Variants in SLC26A8 observed in about 807,000 individuals in gnomAD.
SLC26A8 encodes solute carrier family 26 member 8.
SLC26A8 carries 70 observed loss-of-function variants against 105.0 expected under a neutral mutation model. The observed-to-expected ratio is 0.67, with a 90% CI of 0.55 to 0.81. SLC26A8 has a LOEUF of 0.81. Among genes scored for constraint, SLC26A8 ranks in the 40% least tolerant of loss-of-function variants. SLC26A8 has a pLI of 0.00. For missense variants in SLC26A8, 998 were observed against 1,181.8 expected (o/e 0.84, Z 2.28); for synonymous variants, 415 against 438.3 (o/e 0.95, Z 0.66).
At chr6:35,989,295 T>G (rs972344656) in intron 7 of SLC26A8, among the ~76,000 whole-genome samples, 1 of 152,354 alleles carries the variant, frequency 6.6e-6, no homozygotes, top group South Asian at 2.1e-4. Flanking sequence ...CTTTTTGTCA[T>G]GACAGATTAG....
intron 8 of SLC26A8, among the ~76,000 whole-genome samples, chr6:35,978,519 TTTGA>T (rs1418682127): frequency 6.6e-6 from 1 of 152,198 alleles, no homozygotes; most frequent in Non-Finnish European, 1.5e-5. Context: ...TATTCATTCT[TTTGA>T]TTATCTTTAA....
intron 16 of SLC26A8, among the ~76,000 whole-genome samples, chr6:35,957,928 C>A (rs1173573441): frequency 6.6e-6 from 1 of 151,888 alleles, no homozygotes; most frequent in Non-Finnish European, 1.5e-5. Context: ...TCTTTTCTCT[C>A]CTCCATCTAC....
chr6:35,998,575 A>G (rs983143947), intron 4 of SLC26A8, among the ~76,000 whole-genome samples: 1 of 151,800 alleles, frequency 6.6e-6, no homozygotes, highest in Admixed American at 6.6e-5. Context: ...AAAAGAAAAG[A>G]AAAGAAAAGA....
At chr6:35,956,048 C>G (rs1441496008) in intron 16 of SLC26A8, among the ~76,000 whole-genome samples, 1 of 151,968 alleles carries the variant, frequency 6.6e-6, no homozygotes, top group Non-Finnish European at 1.5e-5. Context: ...TGAAACCAGC[C>G]TGGGCAACAT....
intron 16 of SLC26A8, among the ~76,000 whole-genome samples, chr6:35,956,916 T>C (rs1353747685): frequency 7.8e-6 from 1 of 127,924 alleles, no homozygotes; most frequent in Non-Finnish European, 1.6e-5. Context: ...CAAAACTCCA[T>C]CTCAAAAGAA....
intron 7 of SLC26A8, among the ~76,000 whole-genome samples, chr6:35,991,343 G>T (rs1341903852): frequency 6.7e-6 from 1 of 149,404 alleles, no homozygotes; most frequent in African/African-American, 2.5e-5. Context: ...GGCAGAGGTT[G>T]CAGTGAGCCA....
chr6:35,955,440 C>T lies in SLC26A8; in HGVS notation c.1944G>A (p.Glu648=), dbSNP rs752761195. 1 of 1,614,164 alleles carries T rather than the reference C, an allele frequency of 6.2e-7. No homozygotes were observed. Among genetic ancestry groups the T allele is most frequent in the South Asian group, 1.1e-5 (1 of 91,086 alleles). Residue 648 remains glutamate (E), a synonymous_variant, in exon 17 of 20, where the codon GAG becomes GAA. Transcript: ENST00000490799. ...SINLIHCSHF[E]SMNTSQTASE... ...ATGCAGTTTGGCTTGTGTTCATGCTCTCAAAATGTGAGCAGTGAATCAGGT... is the reference window on the plus strand; with the variant it reads ...ATGCAGTTTGGCTTGTGTTCATGCTTTCAAAATGTGAGCAGTGAATCAGGT...
intron 8 of SLC26A8, among the ~76,000 whole-genome samples, chr6:35,979,328 T>C (rs1030167976): frequency 4.6e-5 from 7 of 151,806 alleles, no homozygotes; most frequent in African/African-American, 9.7e-5. Context: ...ATACAAAAAT[T>C]AGCCGGGCGT....
intron 11 of SLC26A8, among the ~76,000 whole-genome samples, chr6:35,968,609 G>GTGTATATATATATATATA (rs1168496588): frequency 1.7e-5 from 1 of 60,072 alleles, no homozygotes; most frequent in Non-Finnish European, 3.3e-5. Flanking sequence ...GTGTGTGTGT[G>GTGTATATATATATATATA]TATATATATA....
chr6:35,972,945 C>T (rs998418130), intron 10 of SLC26A8, among the ~76,000 whole-genome samples: 1 of 152,182 alleles, frequency 6.6e-6, no homozygotes, highest in African/African-American at 2.4e-5. Context: ...TAAGACAGCT[C>T]TGAGGCTGAA....
chr6:35,985,692 CAAAA>C (rs58199602), intron 7 of SLC26A8, among the ~76,000 whole-genome samples: 17 of 46,920 alleles, frequency 3.6e-4, no homozygotes, highest in South Asian at 8.3e-4. Flanking sequence ...GACTCCGTCT[CAAAA>C]AAAAAAAAAA....
At chr6:35,974,760 G>A (rs1016565455) in intron 10 of SLC26A8, among the ~76,000 whole-genome samples, 2 of 152,114 alleles carry the variant, frequency 1.3e-5, no homozygotes, top group African/African-American at 2.4e-5. Context: ...TGTTTGAGAC[G>A]GAATCTCATT....
chr6:35,946,698 C>CT (rs1264507946), intron 19 of SLC26A8, among the ~76,000 whole-genome samples: 3 of 151,368 alleles, frequency 2.0e-5, no homozygotes, highest in East Asian at 1.9e-4. Flanking sequence ...TAATGTCCAT[C>CT]TTTTTTTTTG....
intron 1 of SLC26A8, among the ~76,000 whole-genome samples, chr6:36,021,570 G>A (rs1043479802): frequency 7.2e-5 from 11 of 152,150 alleles, no homozygotes; most frequent in Admixed American, 1.3e-4. Context: ...TGACCGTCAA[G>A]GAGTGGTGGG....
In SLC26A8 at chr6:35,997,719, T is replaced by A; in HGVS notation, c.627+19A>T. ...CTTTATTCAGTTCCTTTTCAGGGAT[T>A]TGAAGACTCAGATCCTACCTGAATA... is the stretch of plus-strand genomic sequence containing the variant. On this transcript the variant is annotated intron_variant, in intron 5 of 19. Transcript: ENST00000490799. 6.2e-7 allele frequency: 1 copy of A among 1,611,354 alleles called. No homozygotes were observed. Among genetic ancestry groups the A allele is most frequent in the Non-Finnish European group, 8.5e-7 (1 of 1,178,190 alleles).
At chr6:36,023,486 G>T (rs1762177773) in intron 1 of SLC26A8, among the ~76,000 whole-genome samples, 1 of 147,028 alleles carries the variant, frequency 6.8e-6, no homozygotes, top group Non-Finnish European at 1.5e-5. Flanking sequence ...GGCAGAGGTT[G>T]CAGTGAACCG....
In SLC26A8 at chr6:35,981,396, T is replaced by C. The variant is rs900297603; in HGVS notation, c.1025+725A>G. ...TGGCTCATGCCTGTAATCCCAGCAC[T>C]ATAGGAGGCCAAGGCAGGAGGAATG... On this transcript the variant is annotated intron_variant, in intron 8 of 19. Coordinates refer to ENST00000490799, the MANE Select transcript of SLC26A8 (RefSeq NM_052961.4). This position sits in a 1 kb window ranked among gnomAD's most constrained non-coding sequence, Gnocchi z 4.0. Among the ~76,000 whole-genome samples the C allele has an allele frequency of 6.6e-6, 1 of 152,118 alleles. No individual in the cohort carries two copies. The highest frequency in any genetic ancestry group is 6.5e-5 in the Admixed American group (1 of 15,268).
rs141862601 is a variant in SLC26A8, at chr6:35,991,570, G to A, written c.942+89C>T. 128 of 1,019,740 alleles carry A rather than the reference G, an allele frequency of 1.3e-4. No individual in the cohort carries two copies. The East Asian group carries it at 3.6e-3, about 28-fold the overall frequency. The allele number at this position is 1,019,740 out of a possible 1,614,324, so 63.2% of individuals were successfully genotyped here. On this transcript the variant is annotated intron_variant, in intron 7 of 19. Coordinates refer to ENST00000490799, the MANE Select transcript of SLC26A8 (RefSeq NM_052961.4). ...TATAAGCATATATTGAAAACTAAATGTATTCAGCTTTTACACAATTCAACT... is the reference window on the plus strand; with the variant it reads ...TATAAGCATATATTGAAAACTAAATATATTCAGCTTTTACACAATTCAACT...
At chr6:35,952,906 C>T (rs905418340) in intron 17 of SLC26A8, among the ~76,000 whole-genome samples, 2 of 149,608 alleles carry the variant, frequency 1.3e-5, no homozygotes, top group Non-Finnish European at 3.0e-5. Context: ...CCCAGCTACT[C>T]AGGAGACTGA....
Sources: gnomAD v4.1 joint callset for allele counts (sites outside exome capture counted in the v4.1 genomes callset) on GRCh38, gnomAD v4.1.1 for gene constraint, Gnocchi (gnomAD v3.1) non-coding constraint, MANE v1.5 for transcripts, NCBI Gene and HGNC (gene_info 2026-07-23, HGNC 2026-07-21) for gene names.